Variants in ARPC2 observed in about 807,000 individuals in gnomAD.
The protein encoded by ARPC2 is actin related protein 2/3 complex subunit 2, also known as actin-related protein 2/3 complex subunit 2.
Under a neutral mutation model 38.6 loss-of-function variants are expected in ARPC2, and 4 were observed. That is an observed-to-expected ratio of 0.10 (90% CI 0.05 to 0.24). The LOEUF (loss-of-function observed/expected upper bound fraction) is 0.24, where lower values mean the gene tolerates loss of function less well. Among genes scored for constraint, ARPC2 ranks in the 10% least tolerant of loss-of-function variants. The probability of loss-of-function intolerance (pLI) is 1.00; values close to 1 mark genes in which losing one functional copy is unlikely to be tolerated. For synonymous variants in ARPC2, 125 were observed against 140.8 expected (o/e 0.89, Z 0.79); for missense variants, 229 against 387.3 (o/e 0.59, Z 3.43).
At chr2:218,217,672 C>G in intron 2 of ARPC2, 128 bp downstream of exon 2, 1 of 1,015,914 alleles carries the variant, frequency 9.8e-7, no homozygotes, top group Non-Finnish European at 1.5e-6. Flanking sequence ...AGGGGCTGCC[C>G]CAGCGGGGTA....
At chr2:218,225,154 C>T (rs186158937) in intron 2 of ARPC2, among the ~76,000 whole-genome samples, 1 of 152,234 alleles carries the variant, frequency 6.6e-6, no homozygotes, top group Non-Finnish European at 1.5e-5. Flanking sequence ...TTTATTCCCC[C>T]ATTTTATTGA....
At position 218,228,686 on chromosome 2, in the gene ARPC2, G is replaced by T; in HGVS notation, c.110-52G>T. Reference sequence around the variant, plus strand: ...CTACGGCAAGGTAGGCGCTTGGAGAGATTATTTCCCATTCCCAAATTGTTA... The same window carrying T: ...CTACGGCAAGGTAGGCGCTTGGAGATATTATTTCCCATTCCCAAATTGTTA... On this transcript the variant is annotated intron_variant, in intron 3 of 10. Transcript: ENST00000315717. 3.4e-6 allele frequency: 4 copies of T among 1,177,372 alleles called. 1 individual carries two copies. The highest frequency in any genetic ancestry group is 2.5e-5 in the South Asian group (2 of 80,768). The allele number at this position is 1,177,372 out of a possible 1,614,324, so 72.9% of individuals were successfully genotyped here.
At position 218,253,900 on chromosome 2, in the gene ARPC2, G is replaced by A. The variant is rs745663634; in HGVS notation, c.888G>A (p.Thr296=). The A allele has an allele frequency of 6.8e-6, 11 of 1,613,948 alleles. No homozygotes were observed. Among genetic ancestry groups the A allele is most frequent in the African/African-American group, 2.7e-5 (2 of 74,998 alleles). The part of the protein sequence containing the change: ...KKEMKTITGK[T]FSSR ...ATCTCTCCTTTTGAAGGGGGAAGAC[G>A]TTTTCATCCCGCTAATCTTGGGAAT... The change falls in exon 11 of 11, where the codon ACG becomes ACA. Residue 296 remains threonine (T), a synonymous_variant. Coordinates refer to ENST00000315717, the MANE Select transcript of ARPC2 (RefSeq NM_152862.3).
chr2:218,218,369 T>C (rs1167725937), intron 2 of ARPC2, among the ~76,000 whole-genome samples: 1 of 152,214 alleles, frequency 6.6e-6, no homozygotes, highest in Non-Finnish European at 1.5e-5. Flanking sequence ...ATAACCTGTC[T>C]TTACGATTGG....
chr2:218,239,493 C>T lies in ARPC2; in HGVS notation c.549+9C>T, dbSNP rs771695197. The T allele has an allele frequency of 1.2e-6, 2 of 1,609,570 alleles. No individual in the cohort carries two copies. Among genetic ancestry groups the T allele is most frequent in the Non-Finnish European group, 1.7e-6 (2 of 1,175,852 alleles). ...GAAAGGTGTTCATGCAGGTATGGAGCAGACATCTTGGGGGAAACCCATGCA... is the reference window on the plus strand; with the variant it reads ...GAAAGGTGTTCATGCAGGTATGGAGTAGACATCTTGGGGGAAACCCATGCA... On this transcript the variant is annotated intron_variant, in intron 7 of 10. Transcript: ENST00000315717.
chr2:218,221,477 A>G (rs1689383113), intron 2 of ARPC2, among the ~76,000 whole-genome samples: 1 of 152,222 alleles, frequency 6.6e-6, no homozygotes, highest in African/African-American at 2.4e-5. Flanking sequence ...TGGTCTTTTT[A>G]CAGGTCACTG....
At chr2:218,218,119 C>G (rs1689299028) in intron 2 of ARPC2, among the ~76,000 whole-genome samples, 1 of 152,188 alleles carries the variant, frequency 6.6e-6, no homozygotes, top group Admixed American at 6.5e-5. Flanking sequence ...TTCCCCGAAC[C>G]CTTCTGTGAG....
At chr2:218,240,589 A>G (rs1689888790) in intron 7 of ARPC2, among the ~76,000 whole-genome samples, 1 of 152,120 alleles carries the variant, frequency 6.6e-6, no homozygotes, top group South Asian at 2.1e-4. Flanking sequence ...CAAGAAGCTC[A>G]TCTTAAGAAG....
chr2:218,229,026 T>TCTTG (rs1217019007), intron 4 of ARPC2, 176 bp downstream of exon 4: 6 of 484,688 alleles, frequency 1.2e-5, no homozygotes, highest in East Asian at 1.1e-4. Context: ...AGGTTTTGAC[T>TCTTG]CTTGCTTGCT....
intron 2 of ARPC2, among the ~76,000 whole-genome samples, chr2:218,221,780 G>C (rs1472893397): frequency 6.6e-6 from 1 of 152,168 alleles, no homozygotes; most frequent in African/African-American, 2.4e-5. Flanking sequence ...TTTGATATAT[G>C]GCTTAGTGGA....
At chr2:218,234,459 TG>T in intron 5 of ARPC2, 62 bp downstream of exon 5, 4 of 1,311,800 alleles carry the variant, frequency 3.0e-6, no homozygotes, top group Non-Finnish European at 4.3e-6. Flanking sequence ...TTTTATATTA[TG>T]CTTTTTTTAC....
chr2:218,241,449 G>A (rs79402585), intron 7 of ARPC2, among the ~76,000 whole-genome samples: 2,881 of 152,276 alleles, frequency 0.019, 69 homozygotes, highest in East Asian at 0.1. Context: ...CTCTAGAGAG[G>A]CATTTCATGT....
chr2:218,217,636 G>A, intron 2 of ARPC2, 92 bp downstream of exon 2: 10 of 1,320,882 alleles, frequency 7.6e-6, no homozygotes, highest in Non-Finnish European at 9.6e-6. Context: ...ACCTGGAGGA[G>A]AGAAATGGGG....
chr2:218,253,566 C>T (rs759389805), intron 10 of ARPC2, among the ~76,000 whole-genome samples: 10 of 152,160 alleles, frequency 6.6e-5, no homozygotes, highest in African/African-American at 9.7e-5. Context: ...TGAGCCTAGT[C>T]GGAAATTCAG....
At chr2:218,219,919 C>G (rs976148174) in intron 2 of ARPC2, among the ~76,000 whole-genome samples, 4 of 151,960 alleles carry the variant, frequency 2.6e-5, no homozygotes, top group East Asian at 1.9e-4. Context: ...AGTAGAAGCC[C>G]GAATGAAGCA....
At chr2:218,241,482 G>A (rs1022546828) in intron 7 of ARPC2, among the ~76,000 whole-genome samples, 1 of 152,118 alleles carries the variant, frequency 6.6e-6, no homozygotes, top group Non-Finnish European at 1.5e-5. Context: ...AATTGACAGG[G>A]GAATTAAATG....
intron 7 of ARPC2, among the ~76,000 whole-genome samples, chr2:218,243,908 G>T (rs1450385576): frequency 1.3e-5 from 2 of 152,218 alleles, no homozygotes; most frequent in Admixed American, 1.3e-4. Flanking sequence ...ATCTCATTGT[G>T]AATACCACAT....
intron 3 of ARPC2, among the ~76,000 whole-genome samples, chr2:218,228,393 ACT>A (rs1689554791): frequency 6.6e-6 from 1 of 151,338 alleles, no homozygotes; most frequent in African/African-American, 2.4e-5. Context: ...ACAGAGTAAG[ACT>A]CTATCTCAAA....
chr2:218,239,068 AG>A (rs1291053965), intron 6 of ARPC2: 1 of 567,562 alleles, frequency 1.8e-6, no homozygotes, highest in Non-Finnish European at 3.1e-6. Context: ...AAGAGAATCC[AG>A]TGCTTTCCTT....
Sources: gnomAD v4.1 joint callset for allele counts (sites outside exome capture counted in the v4.1 genomes callset) on GRCh38, gnomAD v4.1.1 for gene constraint, MANE v1.5 for transcripts, NCBI Gene and HGNC (gene_info 2026-07-23, HGNC 2026-07-21) for gene names.